Variants in RGS3 observed in about 807,000 individuals in gnomAD.
The protein encoded by RGS3 is regulator of G protein signaling 3.
RGS3 carries 80 observed loss-of-function variants against 132.6 expected under a neutral mutation model. The ratio of observed to expected loss-of-function variants is 0.60; its 90% confidence interval spans 0.50 to 0.73. The LOEUF is 0.73. Among genes scored for constraint, RGS3 ranks in the 30% least tolerant of loss-of-function variants. The pLI, the probability that RGS3 is intolerant of heterozygous loss-of-function variation, is 0.00. For synonymous variants in RGS3, 598 were observed against 620.6 expected (o/e 0.96, Z 0.54); for missense variants, 1,382 against 1,530.8 (o/e 0.90, Z 1.62).
intron 19 of RGS3, among the ~76,000 whole-genome samples, chr9:113,556,828 A>C (rs1833587284): frequency 6.6e-6 from 1 of 152,210 alleles, no homozygotes; most frequent in Non-Finnish European, 1.5e-5. Flanking sequence ...CAGTGAATTT[A>C]GAGTTGGGAC....
At chr9:113,563,275 A>G (rs1411984370) in intron 19 of RGS3, among the ~76,000 whole-genome samples, 1 of 152,134 alleles carries the variant, frequency 6.6e-6, no homozygotes, top group Non-Finnish European at 1.5e-5. Flanking sequence ...CCCTCACTGG[A>G]CTGTCAGCTT....
chr9:113,487,777 T>C (rs1588152576), intron 7 of RGS3, among the ~76,000 whole-genome samples: 1 of 152,200 alleles, frequency 6.6e-6, no homozygotes, highest in African/African-American at 2.4e-5. Context: ...CAGATGATTC[T>C]GTAGATTCTC....
chr9:113,576,309 T>C, intron 19 of RGS3, among the ~76,000 whole-genome samples: 1 of 151,848 alleles, frequency 6.6e-6, no homozygotes, highest in Non-Finnish European at 1.5e-5. Context: ...GTCTAGATGG[T>C]CCTGTGAAGT....
At chr9:113,517,028 A>G (rs1206459682) in intron 15 of RGS3, among the ~76,000 whole-genome samples, 1 of 152,102 alleles carries the variant, frequency 6.6e-6, no homozygotes, top group East Asian at 1.9e-4. Context: ...GTGATAATTG[A>G]CCCTTGGGGG....
Position 113,501,485 on chromosome 9 carries a change from C to T in RGS3, c.897+3405C>T, listed in dbSNP as rs1830888808. ...TCTGTGGGGCGGGCTTCCCAGGGTGCTCATGCCAGGCTGACGGGTCCAGTG... is the reference window on the plus strand; with the variant it reads ...TCTGTGGGGCGGGCTTCCCAGGGTGTTCATGCCAGGCTGACGGGTCCAGTG... On this transcript the variant is annotated intron_variant, in intron 10 of 24. Coordinates refer to ENST00000350696, the Ensembl canonical transcript of RGS3. The T allele has an allele frequency of 4.0e-6, 6 of 1,513,778 alleles. No individual in the cohort carries two copies. The South Asian group carries it at 7.2e-5, about 18-fold the overall frequency. 93.8% of individuals were successfully genotyped at this position (1,513,778 alleles called of 1,614,324 possible).
chr9:113,570,803 AT>A (rs1328211537), intron 19 of RGS3, among the ~76,000 whole-genome samples: 23 of 152,094 alleles, frequency 1.5e-4, no homozygotes, highest in Non-Finnish European at 1.5e-5. Flanking sequence ...TGCCCGGCTA[AT>A]TTTTGTATTT....
At position 113,591,338 on chromosome 9, in the gene RGS3, C is replaced by A. The variant is rs61558718; in HGVS notation, c.3021C>A (p.Ser1007Arg). 6.2e-7 allele frequency: 1 copy of A among 1,613,442 alleles called. No individual in the cohort carries two copies. Among genetic ancestry groups the A allele is most frequent in the African/African-American group, 1.3e-5 (1 of 74,990 alleles). Residue 1007 changes from serine to arginine, a missense_variant, in exon 21 of 25, where the codon AGC (serine) becomes AGA (arginine). Coordinates refer to ENST00000350696, the Ensembl canonical transcript of RGS3. The surrounding 1 kb of genome is among the most constrained non-coding windows in gnomAD (Gnocchi z 4.4). ...TGTCTGTCTTCTCTCCGCAGATGAG[C>A]GGGGCTGACACCGTTGGGGATGATG...
At chr9:113,510,481 A>G (rs1483817507) in intron 14 of RGS3, among the ~76,000 whole-genome samples, 1 of 152,154 alleles carries the variant, frequency 6.6e-6, no homozygotes, top group African/African-American at 2.4e-5. Flanking sequence ...TGACTGACTG[A>G]AGGAGAACGA....
At chr9:113,462,242 C>T (rs1311989907) in intron 3 of RGS3, 4 of 1,366,268 alleles carry the variant, frequency 2.9e-6, no homozygotes, top group Non-Finnish European at 2.9e-6. Context: ...GGAGAGTGGA[C>T]CTGCTCTTGT....
At position 113,565,215 on chromosome 9, in the gene RGS3, A is replaced by C; in HGVS notation, c.2038-18235A>C. 3.2e-6 allele frequency: 4 copies of C among 1,263,330 alleles called. No homozygotes were observed. Among genetic ancestry groups the C allele is most frequent in the Non-Finnish European group, 4.1e-6 (4 of 974,622 alleles). The allele number at this position is 1,263,330 out of a possible 1,614,324, so 78.3% of individuals were successfully genotyped here. On this transcript the variant is annotated intron_variant, in intron 19 of 24. Transcript: ENST00000350696. The surrounding 1 kb of genome is among the most constrained non-coding windows in gnomAD (Gnocchi z 5.7). ...CTGGGCCCCTCGCGGGGTGGGCAGAAGGACGGGCTGGCCCAGGACCCTCTT... is the reference window on the plus strand; with the variant it reads ...CTGGGCCCCTCGCGGGGTGGGCAGACGGACGGGCTGGCCCAGGACCCTCTT...
At chr9:113,476,203 C>T (rs1011828779) in intron 3 of RGS3, among the ~76,000 whole-genome samples, 3 of 152,212 alleles carry the variant, frequency 2.0e-5, no homozygotes, top group South Asian at 2.1e-4. Context: ...GCAGTGGGCA[C>T]AGCAGAGGAG....
exon 9 of RGS3, chr9:113,497,349 C>G (rs781217425): frequency 1.9e-6 from 3 of 1,613,852 alleles, no homozygotes; most frequent in Non-Finnish European, 2.5e-6. Flanking sequence ...TAGGGGAGCA[C>G]CTGGGCCGGA....
chr9:113,482,927 A>C, intron 4 of RGS3, 132 bp from the exon 3 acceptor site: 1 of 1,541,970 alleles, frequency 6.5e-7, no homozygotes, highest in East Asian at 2.4e-5. Context: ...TAGCCCTGCT[A>C]CTCACAGATA....
At chr9:113,541,191 C>A in intron 19 of RGS3, 2 of 895,404 alleles carry the variant, frequency 2.2e-6, no homozygotes, top group Non-Finnish European at 3.4e-6. Context: ...TCCACTGGGG[C>A]CACTAGAGAC....
At chr9:113,526,065 C>T (rs944854283) in intron 17 of RGS3, among the ~76,000 whole-genome samples, 1 of 152,244 alleles carries the variant, frequency 6.6e-6, no homozygotes, top group Admixed American at 6.5e-5. Flanking sequence ...CCATTGTGGT[C>T]TCTTCCTGCC....
chr9:113,501,020 C>T (rs1042513485), intron 10 of RGS3, among the ~76,000 whole-genome samples: 1 of 152,138 alleles, frequency 6.6e-6, no homozygotes, highest in African/African-American at 2.4e-5. Context: ...TTCCAAGTGG[C>T]AGGCAGGTCT....
chr9:113,511,411 A>C (rs1831395007), intron 14 of RGS3, among the ~76,000 whole-genome samples: 1 of 152,110 alleles, frequency 6.6e-6, no homozygotes, highest in Non-Finnish European at 1.5e-5. Flanking sequence ...TAAAAAAAAA[A>C]AAAAATCAGT....
intron 3 of RGS3, among the ~76,000 whole-genome samples, chr9:113,465,379 A>G (rs1402706354): frequency 6.6e-6 from 1 of 152,002 alleles, no homozygotes; most frequent in Non-Finnish European, 1.5e-5. Context: ...CTGACTTCCC[A>G]GGGAGACCAC....
chr9:113,463,789 C>G lies in RGS3; in HGVS notation c.415+1588C>G, dbSNP rs1250870963. On this transcript the variant is annotated intron_variant, in intron 3 of 24. Coordinates refer to ENST00000350696, the Ensembl canonical transcript of RGS3. The surrounding 1 kb of genome is among the most constrained non-coding windows in gnomAD (Gnocchi z 4.6). ...GGGTTGCAGACGCTCCTGTCCGGGT[C>G]GCAGTGGGACGCCATGGAGCGCTCC... 2 of 1,604,012 alleles carry G rather than the reference C, an allele frequency of 1.2e-6. No homozygotes were observed. The highest frequency in any genetic ancestry group is 1.7e-5 in the Admixed American group (1 of 58,348).
Sources: gnomAD v4.1 joint callset for allele counts (sites outside exome capture counted in the v4.1 genomes callset) on GRCh38, gnomAD v4.1.1 for gene constraint, Gnocchi (gnomAD v3.1) non-coding constraint, MANE v1.5 for transcripts, NCBI Gene and HGNC (gene_info 2026-07-23, HGNC 2026-07-21) for gene names.